Variants in POU6F2 observed in about 807,000 individuals in gnomAD.
POU6F2 encodes the protein POU domain, class 6, transcription factor 2.
A neutral mutation model predicts 71.3 loss-of-function variants in POU6F2; 31 were observed. The ratio of observed to expected loss-of-function variants is 0.43; its 90% CI spans 0.33 to 0.59. The LOEUF is 0.59. Among genes scored for constraint, POU6F2 ranks in the 20% least tolerant of loss-of-function variants. The pLI, the probability that POU6F2 is intolerant of heterozygous loss-of-function variation, is 0.04. For synonymous variants in POU6F2, 347 were observed against 355.7 expected (o/e 0.98, Z 0.27); for missense variants, 783 against 856.8 (o/e 0.91, Z 1.07).
intron 4 of POU6F2, among the ~76,000 whole-genome samples, chr7:39,286,853 C>G (rs1394953937): frequency 1.3e-5 from 2 of 152,138 alleles, no homozygotes; most frequent in African/African-American, 4.8e-5. Context: ...GCCTCAAACT[C>G]CTGGCCTCAA....
Position 39,257,511 on chromosome 7 carries a change from G to A in POU6F2, c.598+49891G>A, listed in dbSNP as rs573940751. ...TATCTAGAAACAAAAGCTTTAAGCC[G>A]CTTACATTGTGTCTCCGTAGGATTA... is the stretch of plus-strand genomic sequence containing the variant. On this transcript the variant is annotated intron_variant, in intron 4 of 9. Coordinates refer to ENST00000518318, the MANE Select transcript of POU6F2 (RefSeq NM_001370959.1). 3.7e-3 allele frequency among the ~76,000 whole-genome samples: 558 copies of A among 152,032 alleles called. 3 individuals are homozygous for A. Among genetic ancestry groups the A allele is most frequent in the African/African-American group, 0.013 (522 of 41,466 alleles).
At chr7:39,255,503 T>C (rs1784003565) in intron 4 of POU6F2, among the ~76,000 whole-genome samples, 1 of 152,174 alleles carries the variant, frequency 6.6e-6, no homozygotes, top group African/African-American at 2.4e-5. Flanking sequence ...CTGACATGTA[T>C]TTGGTGGTCA....
intron 2 of POU6F2, among the ~76,000 whole-genome samples, chr7:39,191,664 A>T (rs1358014542): frequency 2.0e-5 from 3 of 152,230 alleles, no homozygotes; most frequent in African/African-American, 7.2e-5. Flanking sequence ...CTTTTGTTCT[A>T]TTTGACTTTA....
Position 39,056,507 on chromosome 7 carries a change from T to C in POU6F2, c.106-29353T>C, listed in dbSNP as rs1325777913. Among the ~76,000 whole-genome samples the C allele has an allele frequency of 2.0e-5, 3 of 152,182 alleles. No homozygotes were observed. The East Asian group carries it at 5.8e-4, about 29-fold the overall frequency. ...GATGCATTTTCTTTTGTTGTCTCCT[T>C]CTCCATCTTTTTTATAATTTTTGTA... On this transcript the variant is annotated intron_variant, in intron 1 of 9. Coordinates refer to ENST00000518318, the MANE Select transcript of POU6F2 (RefSeq NM_001370959.1).
intron 2 of POU6F2, among the ~76,000 whole-genome samples, chr7:39,088,492 T>C (rs1174243609): frequency 6.6e-6 from 1 of 152,218 alleles, no homozygotes; most frequent in Non-Finnish European, 1.5e-5. Flanking sequence ...TTTTTAGATG[T>C]AGTCCTGATT....
intron 1 of POU6F2, among the ~76,000 whole-genome samples, chr7:39,062,005 TA>T: frequency 6.6e-6 from 1 of 152,332 alleles, no homozygotes; most frequent in East Asian, 1.9e-4. Flanking sequence ...GGGTGCAATT[TA>T]AAAATTTTTT....
At chr7:39,222,804 A>G (rs1794396393) in intron 4 of POU6F2, among the ~76,000 whole-genome samples, 1 of 152,228 alleles carries the variant, frequency 6.6e-6, no homozygotes, top group Non-Finnish European at 1.5e-5. Context: ...TGGAATGGAC[A>G]CTTGTGTTGT....
chr7:39,086,425 A>C (rs1248293850), intron 2 of POU6F2, among the ~76,000 whole-genome samples: 2 of 152,124 alleles, frequency 1.3e-5, no homozygotes, highest in Admixed American at 6.6e-5. Flanking sequence ...AAGGTGAGTA[A>C]AGACATTATC....
intron 1 of POU6F2, among the ~76,000 whole-genome samples, chr7:38,991,793 T>A (rs1426049549): frequency 6.6e-6 from 1 of 152,144 alleles, no homozygotes; most frequent in African/African-American, 2.4e-5. Context: ...CGGCTCTTTG[T>A]ATTTTCAGTT....
chr7:39,189,619 C>T (rs1182524619), intron 2 of POU6F2, among the ~76,000 whole-genome samples: 1 of 152,130 alleles, frequency 6.6e-6, no homozygotes. Context: ...CCAGGATGGT[C>T]TTGATCTCCT....
At chr7:39,252,953 C>T (rs774228607) in intron 4 of POU6F2, among the ~76,000 whole-genome samples, 2 of 152,162 alleles carry the variant, frequency 1.3e-5, no homozygotes, top group Non-Finnish European at 2.9e-5. Flanking sequence ...GTACCACCTC[C>T]TAGCCCCCAA....
intron 1 of POU6F2, among the ~76,000 whole-genome samples, chr7:38,984,005 G>A (rs1040871687): frequency 6.6e-6 from 1 of 152,088 alleles, no homozygotes; most frequent in Non-Finnish European, 1.5e-5. Context: ...ATTAGCTGTT[G>A]ATACTTGGCA....
At chr7:39,049,594 G>T (rs1208776291) in intron 1 of POU6F2, among the ~76,000 whole-genome samples, 1 of 151,948 alleles carries the variant, frequency 6.6e-6, no homozygotes, top group Non-Finnish European at 1.5e-5. Context: ...ATCAGCAAAT[G>T]ATAGCTTGTG....
chr7:39,322,930 C>G (rs1785425512), intron 4 of POU6F2, among the ~76,000 whole-genome samples: 1 of 152,120 alleles, frequency 6.6e-6, no homozygotes, highest in South Asian at 2.1e-4. Context: ...CAGAAATTCT[C>G]CAGTGGTATC....
At chr7:39,195,795 C>CA (rs1300058613) in intron 2 of POU6F2, among the ~76,000 whole-genome samples, 1 of 152,056 alleles carries the variant, frequency 6.6e-6, no homozygotes, top group African/African-American at 2.4e-5. Flanking sequence ...TGGGATCTTG[C>CA]AAAAAGAACT....
intron 5 of POU6F2, among the ~76,000 whole-genome samples, chr7:39,352,074 AT>A (rs1290600828): frequency 6.6e-6 from 1 of 152,234 alleles, no homozygotes; most frequent in Non-Finnish European, 1.5e-5. Flanking sequence ...ATCTTGATTG[AT>A]TATTGCTCAG....
In POU6F2 at chr7:39,057,064, G is replaced by C. The variant is rs1790543857; in HGVS notation, c.106-28796G>C. ...GAATGAGCCCTTCATCTTGGAGAAG[G>C]GTGCGTTGGTAGTATTTTCTGAGCT... On this transcript the variant is annotated intron_variant, in intron 1 of 9. Coordinates refer to ENST00000518318, the MANE Select transcript of POU6F2 (RefSeq NM_001370959.1). Among the ~76,000 whole-genome samples the C allele has an allele frequency of 2.0e-5, 3 of 152,088 alleles. No homozygotes were observed. The South Asian group carries it at 6.2e-4, about 32-fold the overall frequency.
At chr7:39,080,713 T>C (rs1486085448) in intron 1 of POU6F2, among the ~76,000 whole-genome samples, 1 of 152,184 alleles carries the variant, frequency 6.6e-6, no homozygotes, top group African/African-American at 2.4e-5. Flanking sequence ...CATCATTAGT[T>C]TGCACGTACA....
chr7:39,399,749 C>T (rs1195301580), intron 5 of POU6F2, among the ~76,000 whole-genome samples: 6 of 151,706 alleles, frequency 4.0e-5, no homozygotes, highest in Non-Finnish European at 8.8e-5. Context: ...ACTTGGGAGG[C>T]TGAGGTGGGA....
Sources: gnomAD v4.1 joint callset for allele counts (sites outside exome capture counted in the v4.1 genomes callset) on GRCh38, gnomAD v4.1.1 for gene constraint, MANE v1.5 for transcripts, NCBI Gene and HGNC (gene_info 2026-07-23, HGNC 2026-07-21) for gene names.